Variants in PLXNA2 observed in about 807,000 individuals in gnomAD.
The protein encoded by PLXNA2 is plexin-A2.
A neutral mutation model predicts 193.5 loss-of-function variants in PLXNA2; 91 were observed. That is an observed-to-expected ratio of 0.47 (90% CI 0.40 to 0.56). The LOEUF (loss-of-function observed/expected upper bound fraction) is 0.56, where lower values mean the gene tolerates loss of function less well. Among genes scored for constraint, PLXNA2 ranks in the 20% least tolerant of loss-of-function variants. The pLI, the probability that PLXNA2 is intolerant of heterozygous loss-of-function variation, is 0.00. For synonymous variants in PLXNA2, 997 were observed against 1,027.3 expected, an observed-to-expected ratio of 0.97 and a Z score of 0.56; for missense variants, 1,995 against 2,503.2, an observed-to-expected ratio of 0.80 and a Z score of 4.33.
At chr1:208,059,893 C>A (rs1003796106) in intron 13 of PLXNA2, among the ~76,000 whole-genome samples, 1 of 152,158 alleles carries the variant, frequency 6.6e-6, no homozygotes, top group African/African-American at 2.4e-5. Context: ...CCTGACCTGG[C>A]AGAGGGTTAG....
chr1:208,150,943 G>A lies in PLXNA2; in HGVS notation c.1372-8480C>T, dbSNP rs148411867. Among the ~76,000 whole-genome samples, 190 of 152,340 alleles carry A rather than the reference G, an allele frequency of 1.2e-3. 2 individuals carry two copies. Among genetic ancestry groups the A allele is most frequent in the South Asian group, 5.2e-3 (25 of 4,828 alleles). The stretch of plus-strand genomic sequence containing the variant: ...GCTTATGAGAGGTGAATTACACTGG[G>A]TGATTCAGGAACACGGGGCTCAGGC... On this transcript the variant is annotated intron_variant, in intron 3 of 31. Coordinates refer to ENST00000367033, the MANE Select transcript of PLXNA2 (RefSeq NM_025179.4).
chr1:208,142,512 T>G (rs1668487594), intron 3 of PLXNA2, 49 bp from the exon 4 acceptor site: 1 of 1,522,666 alleles, frequency 6.6e-7, no homozygotes, highest in Admixed American at 2.1e-5. Flanking sequence ...AGTATTCCCC[T>G]GTGGGCTACC....
At chr1:208,069,943 A>C (rs142071800) in intron 12 of PLXNA2, among the ~76,000 whole-genome samples, 41 of 152,320 alleles carry the variant, frequency 2.7e-4, no homozygotes, top group Non-Finnish European at 5.1e-4. Flanking sequence ...ACAAGCTGTG[A>C]GGTGTTATTA....
intron 27 of PLXNA2, among the ~76,000 whole-genome samples, chr1:208,034,068 G>A (rs368995794): frequency 3.9e-5 from 6 of 152,306 alleles, no homozygotes; most frequent in South Asian, 2.1e-4. Flanking sequence ...CTCATTGCCC[G>A]GAGGGCCTGG....
chr1:208,201,973 A>ATTTTTTTTTTTTTT (rs59313982), intron 3 of PLXNA2, among the ~76,000 whole-genome samples: 2 of 132,626 alleles, frequency 1.5e-5, no homozygotes, highest in African/African-American at 2.9e-5. Context: ...CAGGGCAAGA[A>ATTTTTTTTTTTTTT]TTTTTTTTTT....
In PLXNA2 at chr1:208,034,513, C is replaced by T. The variant is rs370850148; in HGVS notation, c.4844G>A (p.Arg1615Gln). The change falls in exon 27 of 32, where the codon CGG becomes CAG. Residue 1615 changes from arginine to glutamine, a missense_variant. Physicochemically the swap from Arg to Gln is conservative, Grantham distance 43 (BLOSUM62 1). This residue lies in a region of PLXNA2 where 1,291 missense variants were observed against 1,673.6 expected (regional missense o/e 0.77). Transcript: ENST00000367033. ...CTCACCGTATCTGCTGATGGACGTC[C>T]GGGAGATGCTGGCAGAGGCAGGGAT... ...YNIPASASIS[R>Q]TSISRYDSSF... 84 of 1,613,318 alleles carry T rather than the reference C, an allele frequency of 5.2e-5. 2 individuals are homozygous for T. The South Asian group carries it at 7.7e-4, about 15-fold the overall frequency.
chr1:208,093,843 A>G lies in PLXNA2; in HGVS notation c.1983-943T>C, dbSNP rs547884086. Among the ~76,000 whole-genome samples, 144 of 152,130 alleles carry G rather than the reference A, an allele frequency of 9.5e-4. 6 individuals are homozygous for G. In the South Asian group the frequency reaches 0.028, roughly 30 times the overall value. On this transcript the variant is annotated intron_variant, in intron 8 of 31. Transcript: ENST00000367033. ...TCATTGTAATGGAAATGGGTTTTGTAGGGGGGATTAGTCTTGCTCCTCCTC... is the reference window on the plus strand; with the variant it reads ...TCATTGTAATGGAAATGGGTTTTGTGGGGGGGATTAGTCTTGCTCCTCCTC...
At chr1:208,155,148 A>G (rs773973877) in intron 3 of PLXNA2, among the ~76,000 whole-genome samples, 1 of 152,172 alleles carries the variant, frequency 6.6e-6, no homozygotes, top group Non-Finnish European at 1.5e-5. Flanking sequence ...CCCCTTGCAT[A>G]GTGGCCGTTC....
rs988894470 is a variant in PLXNA2, at chr1:208,027,042, G to A, written c.*201C>T. 15 of 520,240 alleles carry A rather than the reference G, an allele frequency of 2.9e-5. No homozygotes were observed. Among genetic ancestry groups the A allele is most frequent in the African/African-American group, 1.7e-4 (9 of 52,390 alleles). The allele number at this position is 520,240 out of a possible 1,614,324, so 32.2% of individuals were successfully genotyped here. A position where few individuals can be genotyped will look rare whatever the true frequency, so the allele number is the denominator to read the frequency against. ...GGTGTTCTCACTGAGGATGGACGAC[G>A]CCCACTGTCTCTCCCAGCTGGAACT... On this transcript the variant is annotated 3_prime_UTR_variant, in exon 32 of 32. Transcript: ENST00000367033.
At position 208,042,368 on chromosome 1, in the gene PLXNA2, T is replaced by C. The variant is rs1186854093; in HGVS notation, c.4018-2A>G. ...GTGCTGCTGCCCGTTTCCTTGTACC[T>C]GGGGTGGGGTGTGGTGGAGGCGACG... On this transcript the variant is annotated splice_acceptor_variant, in intron 21 of 31. Coordinates refer to ENST00000367033, the MANE Select transcript of PLXNA2 (RefSeq NM_025179.4). LOFTEE classifies it high-confidence loss of function. 1 of 1,611,984 alleles carries C rather than the reference T, an allele frequency of 6.2e-7. No individual in the cohort carries two copies. The highest frequency in any genetic ancestry group is 8.5e-7 in the Non-Finnish European group (1 of 1,178,444).
At chr1:208,060,609 C>T (rs1196439256) in intron 13 of PLXNA2, 77 bp downstream of exon 13, 2 of 1,411,674 alleles carry the variant, frequency 1.4e-6, no homozygotes, top group African/African-American at 2.9e-5. Context: ...GGAAAAGGCC[C>T]AGGAAGGGAG....
intron 1 of PLXNA2, among the ~76,000 whole-genome samples, chr1:208,231,560 G>A (rs1306912633): frequency 6.6e-6 from 1 of 152,138 alleles, no homozygotes; most frequent in Non-Finnish European, 1.5e-5. Context: ...ATGCCCTTCG[G>A]AAAAACCTTT....
chr1:208,033,388 G>A lies in PLXNA2; in HGVS notation c.4986C>T (p.Asp1662=), dbSNP rs2102303640. The stretch of plus-strand genomic sequence containing the variant: ...TGCTGCCCCGGTCACCCTCCTTCTG[G>A]TCACCGTGGTCATGGTTCTTCACCA... ...WHLVKNHDHG[D]QKEGDRGSKM... The change falls in exon 28 of 32, where the codon GAC becomes GAT. Residue 1662 remains aspartate, a synonymous_variant. Transcript: ENST00000367033. 1 of 1,614,160 alleles carries A rather than the reference G, an allele frequency of 6.2e-7. No homozygotes were observed. The highest frequency in any genetic ancestry group is 1.1e-5 in the South Asian group (1 of 91,070).
chr1:208,217,588 T>C lies in PLXNA2; in HGVS notation c.335A>G (p.Asn112Ser), dbSNP rs752451489. Reference protein sequence around the residue: ...PCSEVLTLTNNVNKLLIIDYS... With the variant: ...PCSEVLTLTNSVNKLLIIDYS... The stretch of plus-strand genomic sequence containing the variant: ...GTCAATGATGAGCAGCTTGTTGACA[T>C]TGTTGGTGAGGGTGAGCACTTCGCT... Residue 112 changes from asparagine (N) to serine (S), a missense_variant, in exon 2 of 32, where the codon AAT (asparagine) becomes AGT (serine). Physicochemically the swap from Asn to Ser is conservative, Grantham distance 46. Transcript: ENST00000367033. The surrounding 1 kb of genome is among the most constrained non-coding windows in gnomAD (Gnocchi z 4.7). 11 of 1,614,034 alleles carry C rather than the reference T, an allele frequency of 6.8e-6. No homozygotes were observed. The South Asian group carries it at 9.9e-5, about 15-fold the overall frequency.
chr1:208,030,660 T>C, intron 29 of PLXNA2: 1 of 985,432 alleles, frequency 1.0e-6, no homozygotes, highest in Non-Finnish European at 1.2e-6. Flanking sequence ...GCTAGGACTT[T>C]TGATTCCCAA....
chr1:208,034,361 C>A, intron 27 of PLXNA2, 132 bp downstream of exon 27: 1 of 641,152 alleles, frequency 1.6e-6, no homozygotes. Flanking sequence ...GGACAGAAAC[C>A]AACTGGCAGG....
intron 27 of PLXNA2, among the ~76,000 whole-genome samples, chr1:208,034,273 TCAAA>T (rs1387299950): frequency 1.3e-5 from 2 of 152,208 alleles, no homozygotes; most frequent in African/African-American, 2.4e-5. Flanking sequence ...GGCTGGGATA[TCAAA>T]CAAAGGGCAC....
At chr1:208,207,460 T>C (rs1572032421) in intron 3 of PLXNA2, among the ~76,000 whole-genome samples, 2 of 152,338 alleles carry the variant, frequency 1.3e-5, no homozygotes, top group South Asian at 2.1e-4. Flanking sequence ...AAGAGCGCCC[T>C]GTGGTCCTAT....
rs140214236 is a variant in PLXNA2, at chr1:208,203,462, C to T, written c.1371+6818G>A. 5.9e-3 allele frequency among the ~76,000 whole-genome samples: 904 copies of T among 152,306 alleles called. 1 individual carries two copies. Among genetic ancestry groups the T allele is most frequent in the Admixed American group, 0.011 (166 of 15,302 alleles). On this transcript the variant is annotated intron_variant, in intron 3 of 31. Transcript: ENST00000367033. ...TCTCTTAGATGTGGACCTGCAGCTC[C>T]GGCTGTTTACTCAATCAAGGGTTCA...
Sources: gnomAD v4.1 joint callset for allele counts (sites outside exome capture counted in the v4.1 genomes callset) on GRCh38, gnomAD v4.1.1 for gene constraint, gnomAD v4.1.1 regional missense constraint, Gnocchi (gnomAD v3.1) non-coding constraint, MANE v1.5 for transcripts, NCBI Gene and HGNC (gene_info 2026-07-23, HGNC 2026-07-21) for gene names.